The following DNAJC3 variants were observed in gnomAD, a reference collection of about 807,000 sequenced individuals.
DNAJC3 encodes DnaJ heat shock protein family (Hsp40) member C3, also known as dnaJ homolog subfamily C member 3.
DNAJC3 carries 38 observed loss-of-function variants against 68.6 expected under a neutral mutation model. The ratio of observed to expected loss-of-function variants is 0.55; its 90% CI spans 0.43 to 0.73. DNAJC3 has a LOEUF of 0.73. DNAJC3 is among the 30% of genes least tolerant of loss of function. DNAJC3 has a pLI of 0.00. For missense variants in DNAJC3, 526 were observed against 591.9 expected, an observed-to-expected ratio of 0.89 and a Z score of 1.16; for synonymous variants, 203 against 204.0, an observed-to-expected ratio of 1.00 and a Z score of 0.04.
At chr13:95,768,028 T>A (rs1883052292) in intron 9 of DNAJC3, among the ~76,000 whole-genome samples, 1 of 152,022 alleles carries the variant, frequency 6.6e-6, no homozygotes, top group Non-Finnish European at 1.5e-5. Flanking sequence ...GATTTTCTGT[T>A]TTTTCAATAG....
At chr13:95,694,534 A>G (rs1021871365) in intron 1 of DNAJC3, 4 of 152,592 alleles carry the variant, frequency 2.6e-5, no homozygotes, top group African/African-American at 9.6e-5. Context: ...AATGATAGGA[A>G]AAATAATCAT....
intron 4 of DNAJC3, among the ~76,000 whole-genome samples, chr13:95,731,929 T>C (rs1881730222): frequency 7.0e-6 from 1 of 143,526 alleles, no homozygotes; most frequent in East Asian, 2.0e-4. Flanking sequence ...TTTTTGAGAC[T>C]GGGTCGCACT....
rs1197654254 is a variant in DNAJC3, at chr13:95,793,140, C to T, written c.*2110C>T. The T allele has an allele frequency of 6.6e-6, 1 of 152,236 alleles. No individual in the cohort carries two copies. The highest frequency in any genetic ancestry group is 1.5e-5 in the Non-Finnish European group (1 of 68,064). The allele number at this position is 152,236 out of a possible 1,614,324, so 9.4% of individuals were successfully genotyped here. ...GGATTTACTTAGTCATCTTAACTGA[C>T]CTGCAGTTACTTGCCTGTTTTCAGT... is the stretch of plus-strand genomic sequence containing the variant. On this transcript the variant is annotated 3_prime_UTR_variant, in exon 12 of 12. Coordinates refer to ENST00000602402, the MANE Select transcript of DNAJC3 (RefSeq NM_006260.5).
chr13:95,774,506 G>C (rs888316269), intron 9 of DNAJC3, among the ~76,000 whole-genome samples: 16 of 152,124 alleles, frequency 1.1e-4, no homozygotes, highest in African/African-American at 2.9e-4. Flanking sequence ...GGTGTATTCT[G>C]CAATTGTTGG....
intron 11 of DNAJC3, among the ~76,000 whole-genome samples, chr13:95,787,580 G>C (rs566342362): frequency 3.3e-5 from 5 of 152,072 alleles, no homozygotes; most frequent in Non-Finnish European, 5.9e-5. Context: ...AAGAACAGCT[G>C]TCTGGCCTAG....
intron 9 of DNAJC3, among the ~76,000 whole-genome samples, chr13:95,773,173 T>G (rs1464561755): frequency 2.0e-5 from 3 of 150,558 alleles, no homozygotes; most frequent in Non-Finnish European, 3.0e-5. Context: ...TTTTTTCATT[T>G]TGTTTTTGCT....
intron 1 of DNAJC3, among the ~76,000 whole-genome samples, 185 bp downstream of exon 1, chr13:95,677,522 G>A (rs1157888345): frequency 6.6e-6 from 1 of 152,220 alleles, no homozygotes; most frequent in Non-Finnish European, 1.5e-5. Context: ...AAGAATCGAG[G>A]GGACTGGCGG....
chr13:95,749,384 A>T (rs1371647802), intron 4 of DNAJC3, among the ~76,000 whole-genome samples: 1 of 152,184 alleles, frequency 6.6e-6, no homozygotes, highest in Admixed American at 6.5e-5. Flanking sequence ...AGAGATTCAA[A>T]TGTGTTTTCT....
At chr13:95,765,398 A>T (rs901506599) in intron 9 of DNAJC3, among the ~76,000 whole-genome samples, 1 of 144,168 alleles carries the variant, frequency 6.9e-6, no homozygotes, top group Non-Finnish European at 1.5e-5. Flanking sequence ...GAATATAAAG[A>T]GCTTAGCTGT....
chr13:95,724,813 T>C (rs1333123330), intron 3 of DNAJC3, among the ~76,000 whole-genome samples: 1 of 152,248 alleles, frequency 6.6e-6, no homozygotes, highest in Non-Finnish European at 1.5e-5. Flanking sequence ...CATATCAATA[T>C]GTCATTCCTT....
At chr13:95,735,774 C>G (rs1462126213) in intron 4 of DNAJC3, among the ~76,000 whole-genome samples, 1 of 151,962 alleles carries the variant, frequency 6.6e-6, no homozygotes, top group Admixed American at 6.6e-5. Context: ...TGTAGGTTGC[C>G]TGTTCACTCT....
At chr13:95,733,980 T>C (rs1051980764) in intron 4 of DNAJC3, among the ~76,000 whole-genome samples, 1 of 152,176 alleles carries the variant, frequency 6.6e-6, no homozygotes, top group Admixed American at 6.5e-5. Flanking sequence ...ATATGTGAGA[T>C]TTCATCCTGG....
In DNAJC3 at chr13:95,760,242, T is replaced by C. The variant is rs757224559; in HGVS notation, c.728+21T>C. The C allele has an allele frequency of 2.7e-6, 4 of 1,483,642 alleles. No individual in the cohort carries two copies. The African/African-American group carries it at 5.7e-5, about 21-fold the overall frequency. 91.9% of individuals were successfully genotyped at this position (1,483,642 alleles called of 1,614,324 possible). On this transcript the variant is annotated intron_variant, in intron 6 of 11. Coordinates refer to ENST00000602402, the MANE Select transcript of DNAJC3 (RefSeq NM_006260.5). ...CTCAGGTCAGTTCTAGTGACACACA[T>C]GTCTGATCTTTTTTAATTGTTGGCA... is the stretch of plus-strand genomic sequence containing the variant.
chr13:95,716,361 C>T (rs929806799), intron 2 of DNAJC3, among the ~76,000 whole-genome samples: 5 of 152,098 alleles, frequency 3.3e-5, no homozygotes, highest in African/African-American at 7.2e-5. Context: ...TCCGGCCCCA[C>T]GGCAATGTCT....
At chr13:95,716,475 T>G (rs1026545955) in intron 2 of DNAJC3, among the ~76,000 whole-genome samples, 7 of 152,232 alleles carry the variant, frequency 4.6e-5, no homozygotes, top group African/African-American at 1.7e-4. Context: ...TCTCCCTTAT[T>G]GCAAGGACGG....
chr13:95,753,049 A>G (rs1440302229), intron 4 of DNAJC3, among the ~76,000 whole-genome samples: 6 of 152,152 alleles, frequency 3.9e-5, no homozygotes, highest in Non-Finnish European at 2.9e-5. Context: ...GTTGGGTTCT[A>G]GTTATCCAAC....
At chr13:95,680,324 G>A (rs1879878919) in intron 1 of DNAJC3, among the ~76,000 whole-genome samples, 1 of 152,004 alleles carries the variant, frequency 6.6e-6, no homozygotes, top group Admixed American at 6.6e-5. Flanking sequence ...TTTGGCCATG[G>A]GGAAAAGAAT....
intron 2 of DNAJC3, among the ~76,000 whole-genome samples, chr13:95,716,356 C>T (rs972140798): frequency 6.6e-6 from 1 of 152,114 alleles, no homozygotes; most frequent in Non-Finnish European, 1.5e-5. Flanking sequence ...TGGGCTCCGG[C>T]CCCACGGCAA....
At chr13:95,762,285 C>T (rs1041352113) in intron 7 of DNAJC3, among the ~76,000 whole-genome samples, 1 of 152,006 alleles carries the variant, frequency 6.6e-6, no homozygotes, top group African/African-American at 2.4e-5. Context: ...TTTCTGTTTG[C>T]AAGTCTGTCC....
Sources: allele counts gnomAD v4.1 joint callset (sites outside exome capture counted in the v4.1 genomes callset), GRCh38; gene constraint gnomAD v4.1.1; transcripts MANE v1.5; gene names NCBI Gene and HGNC (gene_info 2026-07-23, HGNC 2026-07-21).